CYB5R4: variants seen among roughly 807,000 people sequenced by gnomAD.
The protein encoded by CYB5R4 is N-terminal cytochrome b5 and cytochrome b5 oxidoreductase domain-containing protein.
In CYB5R4, 55 loss-of-function variants were observed where a neutral mutation model predicts 70.2. That is an observed-to-expected ratio of 0.78 (90% CI 0.63 to 0.98). The LOEUF is 0.98. Among genes scored for constraint, CYB5R4 ranks in the 50% least tolerant of loss-of-function variants. The pLI is 0.00. For synonymous variants in CYB5R4, 197 were observed against 199.5 expected, an observed-to-expected ratio of 0.99 and a Z score of 0.11; for missense variants, 562 against 612.6, an observed-to-expected ratio of 0.92 and a Z score of 0.87.
At chr6:83,942,826 A>G (rs988690757) in intron 14 of CYB5R4, among the ~76,000 whole-genome samples, 1 of 152,074 alleles carries the variant, frequency 6.6e-6, no homozygotes, top group Admixed American at 6.6e-5. Flanking sequence ...TTTTCCACTC[A>G]CAGTGTAAAA....
Position 83,864,863 on chromosome 6 carries a change from T to C in CYB5R4, c.229+535T>C, listed in dbSNP as rs139537558. 1.5e-4 allele frequency among the ~76,000 whole-genome samples: 23 copies of C among 152,030 alleles called. No homozygotes were observed. The South Asian group carries it at 4.8e-3, about 32-fold the overall frequency. ...TTAGAAACTCCAAATTAAATATAAA[T>C]GTATTGGAGGAGGTGAGCAGGCAGA... On this transcript the variant is annotated intron_variant, in intron 2 of 15. Coordinates refer to ENST00000369681, the MANE Select transcript of CYB5R4 (RefSeq NM_016230.4).
At chr6:83,911,518 G>A (rs1306628037) in intron 4 of CYB5R4, among the ~76,000 whole-genome samples, 1 of 152,028 alleles carries the variant, frequency 6.6e-6, no homozygotes, top group Admixed American at 6.6e-5. Flanking sequence ...AGGGGAATGA[G>A]GAATGTAGCT....
chr6:83,919,474 C>T lies in CYB5R4; in HGVS notation c.564+20C>T. On this transcript the variant is annotated intron_variant, in intron 7 of 15. Coordinates refer to ENST00000369681, the MANE Select transcript of CYB5R4 (RefSeq NM_016230.4). ...CAGAAGGTAAATATGTCTTTAAAAT[C>T]AGAAAAGAAGAAAATAATAAATGTT... is the stretch of plus-strand genomic sequence containing the variant. The T allele has an allele frequency of 7.6e-7, 1 of 1,320,106 alleles. No homozygotes were observed. Among genetic ancestry groups the T allele is most frequent in the Non-Finnish European group, 1.0e-6 (1 of 955,574 alleles). 81.8% of individuals were successfully genotyped at this position (1,320,106 alleles called of 1,614,324 possible).
Position 83,923,907 on chromosome 6 carries a change from T to TAAAAA in CYB5R4, c.692-554_692-550dup, listed in dbSNP as rs879334428. ...AGTGAAACCCCATCTCTACTAAAAATAAAAAAAAAAAAATTAGCCGGGCGT... is the reference window on the plus strand; with the variant it reads ...AGTGAAACCCCATCTCTACTAAAAATAAAAAAAAAAAAAAAAAATTAGCCGGGCGT... On this transcript the variant is annotated intron_variant, in intron 9 of 15. Coordinates refer to ENST00000369681, the MANE Select transcript of CYB5R4 (RefSeq NM_016230.4). Among the ~76,000 whole-genome samples the TAAAAA allele has an allele frequency of 2.1e-3, 289 of 138,580 alleles. 1 individual carries two copies. Among genetic ancestry groups the TAAAAA allele is most frequent in the African/African-American group, 7.3e-3 (278 of 37,858 alleles). The allele number at this position is 138,580 out of a possible 152,430, so 90.9% of individuals were successfully genotyped here. A position where few individuals can be genotyped will look rare whatever the true frequency, so the allele number is the denominator to read the frequency against.
chr6:83,920,311 A>G (rs1440056829), intron 7 of CYB5R4, among the ~76,000 whole-genome samples: 1 of 152,118 alleles, frequency 6.6e-6, no homozygotes, highest in East Asian at 1.9e-4. Context: ...TTCTTGCAGC[A>G]TGATTTGGTC....
chr6:83,861,833 G>A (rs1319148589), intron 1 of CYB5R4, among the ~76,000 whole-genome samples: 2 of 152,150 alleles, frequency 1.3e-5, no homozygotes, highest in Non-Finnish European at 2.9e-5. Flanking sequence ...TTCTTTCAGT[G>A]TTTAATATTA....
chr6:83,899,359 T>G (rs532174147), intron 3 of CYB5R4, among the ~76,000 whole-genome samples: 1 of 152,130 alleles, frequency 6.6e-6, no homozygotes, highest in Non-Finnish European at 1.5e-5. Flanking sequence ...CTGCTGGATT[T>G]GGTTTGCCAG....
At chr6:83,940,336 C>T (rs1307658115) in intron 13 of CYB5R4, 130 bp downstream of exon 13, 5 of 1,101,928 alleles carry the variant, frequency 4.5e-6, no homozygotes, top group Non-Finnish European at 6.3e-6. Context: ...TCTTACTTTG[C>T]CTCCTCTAAT....
intron 2 of CYB5R4, among the ~76,000 whole-genome samples, chr6:83,878,597 C>T (rs1481795344): frequency 7.9e-5 from 12 of 152,150 alleles, no homozygotes; most frequent in South Asian, 2.1e-4. Context: ...CCACCTGCCT[C>T]GGCCTCCCAA....
intron 2 of CYB5R4, among the ~76,000 whole-genome samples, chr6:83,883,473 A>G (rs1361655734): frequency 6.6e-6 from 1 of 152,202 alleles, no homozygotes; most frequent in East Asian, 1.9e-4. Context: ...GAAAGCTGCC[A>G]GAGAAAACAC....
intron 2 of CYB5R4, among the ~76,000 whole-genome samples, chr6:83,872,994 G>A (rs1246526397): frequency 1.3e-5 from 2 of 152,062 alleles, no homozygotes; most frequent in Non-Finnish European, 2.9e-5. Context: ...GATGAGAATG[G>A]AGCCACTGTT....
At chr6:83,899,765 A>G (rs201100734) in intron 3 of CYB5R4, among the ~76,000 whole-genome samples, 1 of 152,154 alleles carries the variant, frequency 6.6e-6, no homozygotes, top group Non-Finnish European at 1.5e-5. Context: ...AGGTGTTTAT[A>G]GTATTCTCTG....
chr6:83,966,678 T>G lies in CYB5R4; in HGVS notation c.*6800T>G, dbSNP rs962537293. 1.3e-5 allele frequency: 2 copies of G among 151,750 alleles called. No homozygotes were observed. The highest frequency in any genetic ancestry group is 1.3e-4 in the Admixed American group (2 of 15,234). 9.4% of individuals were successfully genotyped at this position (151,750 alleles called of 1,614,324 possible). A position where few individuals can be genotyped will look rare whatever the true frequency, so the allele number is the denominator to read the frequency against. On this transcript the variant is annotated 3_prime_UTR_variant, in exon 16 of 16. Transcript: ENST00000369681. ...TGCACTCCAGCCTGGGCAACAAGAG[T>G]GAAACTCCATCTCAAAAAATAAAAC...
chr6:83,886,306 C>A (rs1001488894), intron 2 of CYB5R4, among the ~76,000 whole-genome samples: 2 of 152,196 alleles, frequency 1.3e-5, no homozygotes, highest in Non-Finnish European at 2.9e-5. Flanking sequence ...CCATTCAGTA[C>A]TGCCACATTG....
chr6:83,922,517 A>C, intron 9 of CYB5R4, 47 bp downstream of exon 9: 1 of 1,327,178 alleles, frequency 7.5e-7, no homozygotes, highest in Non-Finnish European at 1.1e-6. Flanking sequence ...ACATATACAC[A>C]TACCTACAGA....
intron 15 of CYB5R4, among the ~76,000 whole-genome samples, chr6:83,958,257 T>TCTG (rs1162380964): frequency 1.3e-5 from 2 of 152,212 alleles, no homozygotes; most frequent in African/African-American, 4.8e-5. Context: ...TAAAACAGTC[T>TCTG]CTGCTTTCCA....
chr6:83,871,367 A>T (rs1303453272), intron 2 of CYB5R4, among the ~76,000 whole-genome samples: 1 of 152,170 alleles, frequency 6.6e-6, no homozygotes, highest in African/African-American at 2.4e-5. Flanking sequence ...TGTCGATTGT[A>T]TTAATTCCTG....
At chr6:83,861,503 C>T (rs1410029883) in intron 1 of CYB5R4, among the ~76,000 whole-genome samples, 1 of 152,184 alleles carries the variant, frequency 6.6e-6, no homozygotes, top group Non-Finnish European at 1.5e-5. Context: ...TCGTTTTGGC[C>T]AGGGCCACTG....
Position 83,960,063 on chromosome 6 carries a change from A to G in CYB5R4, c.*185A>G, listed in dbSNP as rs2099473080. On this transcript the variant is annotated 3_prime_UTR_variant, in exon 16 of 16. Transcript: ENST00000369681. ...TTGGCTTTCTTTTGTACCACAACTT[A>G]TTTTACTACTGATATTTGACCTGGA... The G allele has an allele frequency of 2.3e-6, 1 of 433,396 alleles. No homozygotes were observed. Among genetic ancestry groups the G allele is most frequent in the South Asian group, 4.3e-5 (1 of 23,226 alleles). The allele number at this position is 433,396 out of a possible 1,614,324, so 26.8% of individuals were successfully genotyped here.
Sources: allele counts gnomAD v4.1 joint callset (sites outside exome capture counted in the v4.1 genomes callset), GRCh38; gene constraint gnomAD v4.1.1; transcripts MANE v1.5; gene names NCBI Gene and HGNC (gene_info 2026-07-23, HGNC 2026-07-21).